Variants in ZNF804A observed in about 807,000 individuals in gnomAD.
ZNF804A encodes the protein zinc finger protein 804A.
In ZNF804A, 2 loss-of-function variants were observed where a neutral mutation model predicts 16.5. The observed-to-expected ratio is 0.12, with a 90% CI of 0.05 to 0.38. The LOEUF is 0.38. Among genes scored for constraint, ZNF804A ranks in the 10% least tolerant of loss-of-function variants. The pLI is 0.99. For synonymous variants in ZNF804A, 534 were observed against 489.6 expected (o/e 1.09, Z -1.20); for missense variants, 1,473 against 1,390.7 (o/e 1.06, Z -0.94).
At chr2:184,670,946 A>C (rs985860912) in intron 1 of ZNF804A, among the ~76,000 whole-genome samples, 2 of 152,054 alleles carry the variant, frequency 1.3e-5, no homozygotes, top group Admixed American at 6.6e-5. Flanking sequence ...TATAGTTCTC[A>C]ATCTAACCAG....
At chr2:184,807,645 A>G (rs7603786) in intron 1 of ZNF804A, among the ~76,000 whole-genome samples, 5,331 of 151,968 alleles carry the variant, frequency 0.035, 310 homozygotes, top group African/African-American at 0.12. Context: ...CTTGAATAAT[A>G]TAACTACTTT....
chr2:184,674,134 T>C (rs1574156825), intron 1 of ZNF804A, among the ~76,000 whole-genome samples: 1 of 152,220 alleles, frequency 6.6e-6, no homozygotes, highest in East Asian at 1.9e-4. Context: ...AAATAATTTG[T>C]TATGACTTTG....
intron 1 of ZNF804A, among the ~76,000 whole-genome samples, chr2:184,860,275 G>C (rs1387907432): frequency 3.9e-5 from 6 of 152,180 alleles, no homozygotes; most frequent in African/African-American, 1.4e-4. Flanking sequence ...ACTGGGTCCT[G>C]GGTCCTCAGT....
intron 1 of ZNF804A, among the ~76,000 whole-genome samples, chr2:184,730,579 TC>T (rs1405428920): frequency 1.3e-5 from 2 of 152,216 alleles, no homozygotes; most frequent in Non-Finnish European, 2.9e-5. Context: ...TTTTACTGTT[TC>T]CCTAGTTTTG....
intron 1 of ZNF804A, among the ~76,000 whole-genome samples, chr2:184,615,330 T>TG (rs1448537281): frequency 6.6e-6 from 1 of 152,172 alleles, no homozygotes; most frequent in Non-Finnish European, 1.5e-5. Flanking sequence ...GTAACACACC[T>TG]GCACATTCTG....
rs781388813 is a variant in ZNF804A, at chr2:184,936,320, A to T, written c.924A>T (p.Leu308Phe). 1 of 1,613,668 alleles carries T rather than the reference A, an allele frequency of 6.2e-7. No homozygotes were observed. The highest frequency in any genetic ancestry group is 1.1e-5 in the South Asian group (1 of 91,070). The change falls in exon 4 of 4, where the codon TTA (leucine) becomes TTT (phenylalanine). Residue 308 changes from leucine to phenylalanine, a missense_variant. Leu to Phe is a conservative substitution (Grantham distance 22). Coordinates refer to ENST00000302277, the MANE Select transcript of ZNF804A (RefSeq NM_194250.2). Reference protein sequence around the residue: ...EVSSEKDALLLPSFCKFQLQL... With the variant: ...EVSSEKDALLFPSFCKFQLQL... Reference sequence around the variant, plus strand: ...CTAGTGAAAAAGATGCATTATTATTACCTTCATTTTGCAAGTTTCAACTTC... The same window carrying T: ...CTAGTGAAAAAGATGCATTATTATTTCCTTCATTTTGCAAGTTTCAACTTC...
chr2:184,794,492 G>T (rs1041031316), intron 1 of ZNF804A, among the ~76,000 whole-genome samples: 2 of 152,032 alleles, frequency 1.3e-5, no homozygotes, highest in African/African-American at 4.8e-5. Context: ...CAGATGTATA[G>T]ATTTTGGAGA....
intron 2 of ZNF804A, among the ~76,000 whole-genome samples, chr2:184,885,378 A>G (rs979465132): frequency 6.6e-6 from 1 of 152,196 alleles, no homozygotes; most frequent in Non-Finnish European, 1.5e-5. Context: ...ACTATAAACG[A>G]CACACATGCT....
intron 2 of ZNF804A, among the ~76,000 whole-genome samples, chr2:184,925,963 T>C (rs1685603316): frequency 6.6e-6 from 1 of 152,022 alleles, no homozygotes; most frequent in South Asian, 2.1e-4. Flanking sequence ...CTTATGTATA[T>C]CTTTAAAAGT....
At chr2:184,661,910 G>A (rs1692181227) in intron 1 of ZNF804A, among the ~76,000 whole-genome samples, 1 of 151,988 alleles carries the variant, frequency 6.6e-6, no homozygotes, top group Non-Finnish European at 1.5e-5. Context: ...ATATAATTTG[G>A]AATTAATTTT....
intron 1 of ZNF804A, among the ~76,000 whole-genome samples, chr2:184,600,800 C>T (rs894526799): frequency 6.6e-6 from 1 of 152,120 alleles, no homozygotes; most frequent in African/African-American, 2.4e-5. Flanking sequence ...TTTGCTTATG[C>T]TGATGTGTTT....
At chr2:184,635,484 A>G (rs1173669535) in intron 1 of ZNF804A, among the ~76,000 whole-genome samples, 1 of 152,164 alleles carries the variant, frequency 6.6e-6, no homozygotes, top group Non-Finnish European at 1.5e-5. Flanking sequence ...AATGAATCTT[A>G]TATTTATATG....
At chr2:184,686,306 G>A (rs1443829458) in intron 1 of ZNF804A, among the ~76,000 whole-genome samples, 3 of 152,304 alleles carry the variant, frequency 2.0e-5, no homozygotes, top group East Asian at 3.9e-4. Context: ...GCCCCCTGGA[G>A]CATGTAACCC....
At chr2:184,619,089 T>A (rs74942702) in intron 1 of ZNF804A, among the ~76,000 whole-genome samples, 19,203 of 152,052 alleles carry the variant, frequency 0.13, 1,638 homozygotes, top group Non-Finnish European at 0.19. Flanking sequence ...CACCTTGTGA[T>A]GTGTGAACAA....
chr2:184,791,508 T>C (rs377440903), intron 1 of ZNF804A, among the ~76,000 whole-genome samples: 142 of 152,184 alleles, frequency 9.3e-4, no homozygotes, highest in African/African-American at 3.3e-3. Flanking sequence ...CCTCGATTTG[T>C]TTTTTATTTT....
At chr2:184,897,627 A>G (rs1685108860) in intron 2 of ZNF804A, among the ~76,000 whole-genome samples, 1 of 152,070 alleles carries the variant, frequency 6.6e-6, no homozygotes, top group Non-Finnish European at 1.5e-5. Flanking sequence ...ATCTTTCTCC[A>G]ACACTTTTTT....
chr2:184,616,774 T>G (rs2105676467), intron 1 of ZNF804A, among the ~76,000 whole-genome samples: 1 of 152,272 alleles, frequency 6.6e-6, no homozygotes, highest in African/African-American at 2.4e-5. Context: ...AAATATCACC[T>G]GAAAGTTTAG....
Position 184,782,162 on chromosome 2 carries a change from T to A in ZNF804A, c.112-84207T>A, listed in dbSNP as rs146150731. Among the ~76,000 whole-genome samples, 1,046 of 151,896 alleles carry A rather than the reference T, an allele frequency of 6.9e-3. 6 individuals carry two copies. Among genetic ancestry groups the A allele is most frequent in the Middle Eastern group, 0.014 (4 of 294 alleles). ...TTTTTAAGTACTTGGGGTTAGGACT[T>A]CAACATATGAATTTTGTTGGGGGAC... On this transcript the variant is annotated intron_variant, in intron 1 of 3. Transcript: ENST00000302277.
chr2:184,752,504 GT>G (rs1345958604), intron 1 of ZNF804A, among the ~76,000 whole-genome samples: 1 of 151,288 alleles, frequency 6.6e-6, no homozygotes, highest in Non-Finnish European at 1.5e-5. Context: ...GAGGGTGAGG[GT>G]TGAAAAATTG....
Sources: gnomAD v4.1 joint callset for allele counts (sites outside exome capture counted in the v4.1 genomes callset) on GRCh38, gnomAD v4.1.1 for gene constraint, MANE v1.5 for transcripts, NCBI Gene and HGNC (gene_info 2026-07-23, HGNC 2026-07-21) for gene names.